The following UTP4 variants were observed in gnomAD, a reference collection of about 807,000 sequenced individuals.
UTP4 encodes U3 small nucleolar RNA-associated protein 4 homolog.
UTP4 carries 45 observed loss-of-function variants against 82.4 expected under a neutral mutation model. The ratio of observed to expected loss-of-function variants is 0.55; its 90% CI spans 0.43 to 0.70. The LOEUF is 0.70. Among genes scored for constraint, UTP4 ranks in the 30% least tolerant of loss-of-function variants. UTP4 has a pLI of 0.00. For missense variants in UTP4, 819 were observed against 858.3 expected (o/e 0.95, Z 0.57); for synonymous variants, 348 against 300.3 (o/e 1.16, Z -1.64).
chr16:69,139,712 T>A lies in UTP4; in HGVS notation c.437-113T>A, dbSNP rs1020251120. ...ATGGTGCTTCAAGGAGTACTATAGA[T>A]GAGAGAGCTAAGATTGTAGAACACT... On this transcript the variant is annotated intron_variant, in intron 4 of 16. Transcript: ENST00000314423. 1.1e-5 allele frequency: 8 copies of A among 733,240 alleles called. No homozygotes were observed. In the African/African-American group the frequency reaches 1.4e-4, roughly 13 times the overall value. 45.4% of individuals were successfully genotyped at this position (733,240 alleles called of 1,614,324 possible).
chr16:69,140,451 C>T (rs1357040167), intron 5 of UTP4, among the ~76,000 whole-genome samples: 3 of 152,170 alleles, frequency 2.0e-5, no homozygotes, highest in Non-Finnish European at 4.4e-5. Flanking sequence ...CGCGGTGGCT[C>T]ATGCCTGTAA....
rs1963678272 is a variant in UTP4, at chr16:69,165,474, T to C, written c.1781T>C (p.Met594Thr). ...ATCAGTTTTCATCCCAAGAGACCGATGCACATCCTTCTCCATGATGCCTAC... is the reference window on the plus strand; with the variant it reads ...ATCAGTTTTCATCCCAAGAGACCGACGCACATCCTTCTCCATGATGCCTAC... Reference protein sequence around the residue: ...THISFHPKRPMHILLHDAYMF... With the variant: ...THISFHPKRPTHILLHDAYMF... The change falls in exon 15 of 17, where the codon ATG becomes ACG. Residue 594 changes from methionine (M) to threonine (T), a missense_variant. Transcript: ENST00000314423. The C allele has an allele frequency of 1.2e-6, 2 of 1,614,100 alleles. No homozygotes were observed. Among genetic ancestry groups the C allele is most frequent in the Non-Finnish European group, 1.7e-6 (2 of 1,180,032 alleles).
In UTP4 at chr16:69,136,835, T is replaced by C; in HGVS notation, c.299T>C (p.Phe100Ser). Residue 100 changes from phenylalanine to serine, a missense_variant, in exon 3 of 17, where the codon TTT becomes TCT. By Grantham distance (155) the Phe-to-Ser change is radical. Coordinates refer to ENST00000314423, the MANE Select transcript of UTP4 (RefSeq NM_032830.3). ...AACATCAAGTATGCTATGGATGCCT[T>C]TGGAGGACCTATTTGGAGCATGGCT... ...ALNIKYAMDA[F>S]GGPIWSMAAS... The C allele has an allele frequency of 5.0e-6, 8 of 1,614,188 alleles. No homozygotes were observed. Among genetic ancestry groups the C allele is most frequent in the Non-Finnish European group, 6.8e-6 (8 of 1,180,016 alleles).
intron 6 of UTP4, among the ~76,000 whole-genome samples, chr16:69,147,935 T>C (rs1222340083): frequency 3.3e-5 from 5 of 151,568 alleles, no homozygotes; most frequent in Non-Finnish European, 5.9e-5. Flanking sequence ...CCTGTCTAAT[T>C]TTTGTTTTGT....
chr16:69,142,613 C>T (rs1962989890), intron 5 of UTP4, among the ~76,000 whole-genome samples: 2 of 152,144 alleles, frequency 1.3e-5, no homozygotes, highest in African/African-American at 4.8e-5. Context: ...AATCAGGTGG[C>T]TTCTTGGCTT....
intron 15 of UTP4, chr16:69,165,743 G>T (rs1039822592): frequency 4.1e-5 from 26 of 629,424 alleles, no homozygotes; most frequent in Non-Finnish European, 7.1e-5. Context: ...CGGGGAAGGG[G>T]CTGGCCTTTG....
intron 15 of UTP4, chr16:69,166,712 T>A (rs1413121106): frequency 3.8e-6 from 1 of 264,886 alleles, no homozygotes. Context: ...CTTGCCAGTT[T>A]GTTCCATTCT....
At chr16:69,165,695 T>G (rs1281829202) in intron 15 of UTP4, 169 bp downstream of exon 15, 4 of 705,592 alleles carry the variant, frequency 5.7e-6, no homozygotes, top group Non-Finnish European at 1.0e-5. Context: ...TTTTACAGAT[T>G]CCCTGGTTTG....
rs1963714572 is a variant in UTP4, at chr16:69,166,854, C to T, written c.1834-221C>T. ...TGTGGCTGCAAGAGTAGCTTCAGCT[C>T]TTTCTCCCTCTCTCTCCTTTTCTTC... On this transcript the variant is annotated intron_variant, in intron 15 of 16. Coordinates refer to ENST00000314423, the MANE Select transcript of UTP4 (RefSeq NM_032830.3). The T allele has an allele frequency of 1.8e-5, 10 of 562,204 alleles. No individual in the cohort carries two copies. In the Admixed American group the frequency reaches 2.2e-4, roughly 12 times the overall value. 34.8% of individuals were successfully genotyped at this position (562,204 alleles called of 1,614,324 possible). A position where few individuals can be genotyped will look rare whatever the true frequency, so the allele number is the denominator to read the frequency against.
intron 6 of UTP4, among the ~76,000 whole-genome samples, chr16:69,148,913 G>A (rs571861512): frequency 3.0e-4 from 45 of 152,102 alleles, no homozygotes; most frequent in African/African-American, 1.1e-3. Context: ...TACTACTCTT[G>A]TTTGGGTTTT....
intron 10 of UTP4, among the ~76,000 whole-genome samples, chr16:69,154,800 C>G (rs1282665302): frequency 6.6e-6 from 1 of 152,026 alleles, no homozygotes; most frequent in Non-Finnish European, 1.5e-5. Flanking sequence ...ACCACCTCAG[C>G]TCACCGAAAC....
intron 5 of UTP4, among the ~76,000 whole-genome samples, chr16:69,141,641 TTTACTC>T (rs1211371608): frequency 6.6e-6 from 1 of 152,102 alleles, no homozygotes; most frequent in East Asian, 1.9e-4. Context: ...GGGAAATTCT[TTTACTC>T]TTATTTTTCA....
At chr16:69,168,379 T>G (rs1963753378) in intron 16 of UTP4, among the ~76,000 whole-genome samples, 1 of 133,590 alleles carries the variant, frequency 7.5e-6, no homozygotes, top group Admixed American at 9.3e-5. Flanking sequence ...GAGCTTGCCG[T>G]GAGCCGAGAT....
chr16:69,159,505 T>C (rs981602282), intron 12 of UTP4, among the ~76,000 whole-genome samples: 1 of 151,792 alleles, frequency 6.6e-6, no homozygotes. Flanking sequence ...CTGACCAAAA[T>C]GGTGAAACCC....
chr16:69,167,998 G>T (rs543265282), intron 16 of UTP4, among the ~76,000 whole-genome samples: 45 of 152,070 alleles, frequency 3.0e-4, no homozygotes, highest in African/African-American at 1.1e-3. Context: ...GGGTAACATC[G>T]AGATTCTGTC....
At chr16:69,158,821 T>C (rs1430208860) in intron 12 of UTP4, among the ~76,000 whole-genome samples, 1 of 152,120 alleles carries the variant, frequency 6.6e-6, no homozygotes, top group Non-Finnish European at 1.5e-5. Flanking sequence ...ATGCTTGTTA[T>C]AAAGCCATGT....
intron 2 of UTP4, among the ~76,000 whole-genome samples, chr16:69,135,316 T>C (rs969154515): frequency 1.2e-4 from 18 of 152,178 alleles, no homozygotes; most frequent in African/African-American, 4.1e-4. Context: ...CAACAATTAA[T>C]TAACTCAGGC....
At chr16:69,156,386 A>T (rs911122680) in intron 11 of UTP4, among the ~76,000 whole-genome samples, 4 of 149,702 alleles carry the variant, frequency 2.7e-5, no homozygotes, top group Admixed American at 1.3e-4. Context: ...TGAACTCCTG[A>T]CCTCAAGTGA....
chr16:69,163,995 C>G (rs1963634014), intron 14 of UTP4, among the ~76,000 whole-genome samples: 1 of 151,386 alleles, frequency 6.6e-6, no homozygotes, highest in South Asian at 2.1e-4. Flanking sequence ...ATGTCATCCT[C>G]CTGCCTCAGC....
Sources: gnomAD v4.1 joint callset for allele counts (sites outside exome capture counted in the v4.1 genomes callset) on GRCh38, gnomAD v4.1.1 for gene constraint, MANE v1.5 for transcripts, NCBI Gene and HGNC (gene_info 2026-07-23, HGNC 2026-07-21) for gene names.